KIAA0513: variants seen among roughly 807,000 people sequenced by gnomAD.
KIAA0513 encodes the protein KIAA0513.
Under a neutral mutation model 56.5 loss-of-function variants are expected in KIAA0513, and 39 were observed. That is an observed-to-expected ratio of 0.69 (90% CI 0.53 to 0.90). KIAA0513 has a LOEUF of 0.90. Ranked by LOEUF, KIAA0513 falls within the 40% of genes least tolerant of loss-of-function variation. KIAA0513 has a pLI of 0.00. For synonymous variants in KIAA0513, 268 were observed against 215.6 expected, an observed-to-expected ratio of 1.24 and a Z score of -2.13; for missense variants, 591 against 535.2, an observed-to-expected ratio of 1.10 and a Z score of -1.03.
chr16:85,042,480 C>G (rs2073116839), intron 1 of KIAA0513, among the ~76,000 whole-genome samples: 1 of 152,046 alleles, frequency 6.6e-6, no homozygotes, highest in Non-Finnish European at 1.5e-5. Flanking sequence ...CTGTGGACTC[C>G]CCCTCTGCTT....
In KIAA0513 at chr16:85,088,401, C is replaced by A; in HGVS notation, c.*76C>A. The A allele has an allele frequency of 2.3e-6, 3 of 1,307,352 alleles. No homozygotes were observed. The highest frequency in any genetic ancestry group is 3.3e-6 in the Non-Finnish European group (3 of 917,594). The allele number at this position is 1,307,352 out of a possible 1,614,324, so 81.0% of individuals were successfully genotyped here. ...CGGGCCCAGCGCCCGGCCGTCACCC[C>A]ACCCGATGACCTGCATGAAGCCAGC... On this transcript the variant is annotated 3_prime_UTR_variant, in exon 13 of 13. Coordinates refer to ENST00000683363, the MANE Select transcript of KIAA0513 (RefSeq NM_001388359.1).
At chr16:85,046,087 C>T (rs2073167024) in intron 1 of KIAA0513, among the ~76,000 whole-genome samples, 1 of 152,212 alleles carries the variant, frequency 6.6e-6, no homozygotes, top group Non-Finnish European at 1.5e-5. Flanking sequence ...TGGCTTTGCA[C>T]ATTGAGGGAG....
chr16:85,076,023 A>G lies in KIAA0513; in HGVS notation c.574+109A>G. 1 of 781,616 alleles carries G rather than the reference A, an allele frequency of 1.3e-6. No individual in the cohort carries two copies. The highest frequency in any genetic ancestry group is 1.5e-5 in the South Asian group (1 of 68,324). The allele number at this position is 781,616 out of a possible 1,614,324, so 48.4% of individuals were successfully genotyped here. On this transcript the variant is annotated intron_variant, in intron 5 of 12. Coordinates refer to ENST00000683363, the MANE Select transcript of KIAA0513 (RefSeq NM_001388359.1). This position sits in a 1 kb window ranked among gnomAD's most constrained non-coding sequence, Gnocchi z 4.7. ...AAAAAGCAAAAGCTATGGGGCCTCC[A>G]GAGAACAGAGGAAGCTGATGTTAGG...
chr16:85,042,049 A>G (rs190492180), intron 1 of KIAA0513, among the ~76,000 whole-genome samples: 5 of 152,316 alleles, frequency 3.3e-5, no homozygotes, highest in African/African-American at 1.2e-4. Flanking sequence ...TTATTTGAGT[A>G]ACACAAAGTC....
chr16:85,077,362 C>G, intron 5 of KIAA0513, 63 bp from the exon 6 acceptor site: 1 of 1,508,434 alleles, frequency 6.6e-7, no homozygotes, highest in Non-Finnish European at 9.1e-7. Context: ...CTCTGGGCCT[C>G]TGCAGTTAGC....
At chr16:85,084,575 A>T (rs1361127343) in intron 10 of KIAA0513, among the ~76,000 whole-genome samples, 2 of 151,946 alleles carry the variant, frequency 1.3e-5, no homozygotes, top group African/African-American at 4.8e-5. Flanking sequence ...GATTAGAGGC[A>T]CCCACCACCA....
At position 85,077,650 on chromosome 16, in the gene KIAA0513, G is replaced by T. The variant is rs777544615; in HGVS notation, c.782+18G>T. 349 of 1,580,786 alleles carry T rather than the reference G, an allele frequency of 2.2e-4. 2 individuals carry two copies. The highest frequency in any genetic ancestry group is 1.9e-3 in the Middle Eastern group (11 of 5,744). ...AGGAACGAGTACGTGTGGCCTTGGGGTCCCTCCCACCTGCAGGGGACTGGG... is the reference window on the plus strand; with the variant it reads ...AGGAACGAGTACGTGTGGCCTTGGGTTCCCTCCCACCTGCAGGGGACTGGG... On this transcript the variant is annotated intron_variant, in intron 6 of 12. Coordinates refer to ENST00000683363, the MANE Select transcript of KIAA0513 (RefSeq NM_001388359.1).
chr16:85,067,939 T>TA (rs1175933260), intron 2 of KIAA0513, among the ~76,000 whole-genome samples: 4 of 151,494 alleles, frequency 2.6e-5, no homozygotes, highest in African/African-American at 9.7e-5. Flanking sequence ...GCCTCCCGAG[T>TA]AGCTGGGACT....
At chr16:85,078,565 C>T (rs2073694151) in intron 7 of KIAA0513, 110 bp downstream of exon 7, 3 of 1,057,648 alleles carry the variant, frequency 2.8e-6, no homozygotes, top group South Asian at 2.7e-5. Flanking sequence ...AGCATGGGCA[C>T]CTTGCCCTGG....
intron 1 of KIAA0513, among the ~76,000 whole-genome samples, chr16:85,047,275 G>A (rs1184605600): frequency 6.6e-6 from 1 of 152,228 alleles, no homozygotes; most frequent in Non-Finnish European, 1.5e-5. Flanking sequence ...TGAGGGCTCT[G>A]TTTACATATG....
At chr16:85,083,620 G>T (rs1010876435) in intron 10 of KIAA0513, among the ~76,000 whole-genome samples, 1 of 152,174 alleles carries the variant, frequency 6.6e-6, no homozygotes, top group African/African-American at 2.4e-5. Context: ...GCTGGGGAGG[G>T]GTGGTCTGTC....
intron 1 of KIAA0513, among the ~76,000 whole-genome samples, chr16:85,050,393 A>C (rs2073235864): frequency 6.7e-6 from 1 of 150,146 alleles, no homozygotes; most frequent in African/African-American, 2.5e-5. Flanking sequence ...TCTGTCACCC[A>C]GACTGGAGTG....
In KIAA0513 at chr16:85,054,987, A is replaced by G. The variant is rs571425574; in HGVS notation, c.-172-11913A>G. On this transcript the variant is annotated intron_variant, in intron 1 of 12. Coordinates refer to ENST00000683363, the MANE Select transcript of KIAA0513 (RefSeq NM_001388359.1). ...ACAAAGGCTGGAGTGCAGTGGTACA[A>G]TCTCGGTTTACTGCAACCTCTGACT... Among the ~76,000 whole-genome samples, 11 of 151,738 alleles carry G rather than the reference A, an allele frequency of 7.2e-5. No homozygotes were observed. The South Asian group carries it at 1.9e-3, about 26-fold the overall frequency.
Position 85,088,620 on chromosome 16 carries a change from G to A in KIAA0513, c.*295G>A, listed in dbSNP as rs1479479658. On this transcript the variant is annotated 3_prime_UTR_variant, in exon 13 of 13. Transcript: ENST00000683363. ...TGAGATGAGACCAAGAGGGAGGAGG[G>A]GAAGGACTCCATGGGCCATCGTGGG... is the stretch of plus-strand genomic sequence containing the variant. The A allele has an allele frequency of 5.0e-6, 2 of 397,570 alleles. No individual in the cohort carries two copies. Among genetic ancestry groups the A allele is most frequent in the South Asian group, 4.0e-5 (1 of 24,704 alleles). The allele number at this position is 397,570 out of a possible 1,614,324, so 24.6% of individuals were successfully genotyped here.
chr16:85,050,197 T>G (rs1460519047), intron 1 of KIAA0513, among the ~76,000 whole-genome samples: 1 of 152,028 alleles, frequency 6.6e-6, no homozygotes, highest in Non-Finnish European at 1.5e-5. Context: ...TAGGACCAAT[T>G]AAACAATGAC....
chr16:85,067,191 C>T lies in KIAA0513; in HGVS notation c.120C>T (p.Asp40=), dbSNP rs145833831. ...AGGACGGCGATGGCTCCCTGGGGGA[C>T]GGTGCATCAGAGAGTGAGACCACTG... The part of the protein sequence containing the change: ...VLQDGDGSLG[D]GASESETTES... The change falls in exon 2 of 13, where the codon GAC becomes GAT. Residue 40 remains aspartate, a synonymous_variant. Coordinates refer to ENST00000683363, the MANE Select transcript of KIAA0513 (RefSeq NM_001388359.1). 1.7e-3 allele frequency: 2,755 copies of T among 1,614,174 alleles called. 6 individuals are homozygous for T. Among genetic ancestry groups the T allele is most frequent in the Non-Finnish European group, 2.0e-3 (2,361 of 1,180,020 alleles).
At position 85,088,632 on chromosome 16, in the gene KIAA0513, T is replaced by G; in HGVS notation, c.*307T>G. 9.3e-6 allele frequency: 3 copies of G among 323,404 alleles called. No individual in the cohort carries two copies. Among genetic ancestry groups the G allele is most frequent in the Non-Finnish European group, 1.7e-5 (3 of 173,726 alleles). 20.0% of individuals were successfully genotyped at this position (323,404 alleles called of 1,614,324 possible). ...AAGAGGGAGGAGGGGAAGGACTCCATGGGCCATCGTGGGCCAAGGGCTGGC... is the reference window on the plus strand; with the variant it reads ...AAGAGGGAGGAGGGGAAGGACTCCAGGGGCCATCGTGGGCCAAGGGCTGGC... On this transcript the variant is annotated 3_prime_UTR_variant, in exon 13 of 13. Transcript: ENST00000683363.
intron 1 of KIAA0513, among the ~76,000 whole-genome samples, chr16:85,059,519 G>A (rs1163635774): frequency 1.3e-5 from 2 of 152,180 alleles, no homozygotes; most frequent in African/African-American, 2.4e-5. Context: ...CGAACATGAC[G>A]CTTAAGATGC....
At position 85,073,900 on chromosome 16, in the gene KIAA0513, C is replaced by T. The variant is rs567614167; in HGVS notation, c.503+902C>T. Among the ~76,000 whole-genome samples the T allele has an allele frequency of 3.2e-4, 49 of 152,340 alleles. 1 individual carries two copies. In the South Asian group the frequency reaches 7.5e-3, roughly 23 times the overall value. On this transcript the variant is annotated intron_variant, in intron 4 of 12. Coordinates refer to ENST00000683363, the MANE Select transcript of KIAA0513 (RefSeq NM_001388359.1). ...CCTTCCAGGCCTGAAAAATATCCCT[C>T]CTTTACTTCCTTGTCTCCCAACCAA...
Sources: gnomAD v4.1 joint callset for allele counts (sites outside exome capture counted in the v4.1 genomes callset) on GRCh38, gnomAD v4.1.1 for gene constraint, Gnocchi (gnomAD v3.1) non-coding constraint, MANE v1.5 for transcripts, NCBI Gene and HGNC (gene_info 2026-07-23, HGNC 2026-07-21) for gene names.